The following EFCC1 variants were observed in gnomAD, a reference collection of about 807,000 sequenced individuals.
EFCC1 encodes EF-hand and coiled-coil domain-containing protein 1.
Under a neutral mutation model 52.1 loss-of-function variants are expected in EFCC1, and 50 were observed. The ratio of observed to expected loss-of-function variants is 0.96; its 90% CI spans 0.76 to 1.21. The LOEUF is 1.21. EFCC1 is among the 50% of genes most tolerant of loss of function. The pLI, the probability that EFCC1 is intolerant of heterozygous loss-of-function variation, is 0.00. For synonymous variants in EFCC1, 399 were observed against 396.5 expected, an observed-to-expected ratio of 1.01 and a Z score of -0.08; for missense variants, 837 against 867.3, an observed-to-expected ratio of 0.97 and a Z score of 0.44.
chr3:129,010,181 G>A lies in EFCC1; in HGVS notation c.980+6104G>A, dbSNP rs1455501292. 2.6e-5 allele frequency among the ~76,000 whole-genome samples: 4 copies of A among 152,240 alleles called. No homozygotes were observed. The highest frequency in any genetic ancestry group is 5.9e-5 in the Non-Finnish European group (4 of 68,028). ...TCCAGTGGCCTTGTCCTGCCTTGAG[G>A]GGTCCCCCTTCAGTCCTCAGTAGAA... On this transcript the variant is annotated intron_variant, in intron 2 of 7. Transcript: ENST00000683648. The surrounding 1 kb of genome is among the most constrained non-coding windows in gnomAD (Gnocchi z 4.3).
At chr3:129,016,827 CT>C (rs1945607534) in intron 2 of EFCC1, among the ~76,000 whole-genome samples, 1 of 152,186 alleles carries the variant, frequency 6.6e-6, no homozygotes, top group Non-Finnish European at 1.5e-5. Flanking sequence ...TCTGTACAAC[CT>C]TATTGCACTC....
At chr3:129,035,947 G>A (rs534078510) in intron 5 of EFCC1, among the ~76,000 whole-genome samples, 2 of 152,302 alleles carry the variant, frequency 1.3e-5, no homozygotes, top group East Asian at 1.9e-4. Flanking sequence ...GCAAACATGC[G>A]CCACGGCTGT....
chr3:129,019,872 G>A (rs1235934201), intron 2 of EFCC1, among the ~76,000 whole-genome samples: 3 of 148,838 alleles, frequency 2.0e-5, no homozygotes, highest in Admixed American at 6.8e-5. Context: ...AGATTCAAGC[G>A]ATTCTCCTGC....
intron 2 of EFCC1, among the ~76,000 whole-genome samples, chr3:129,027,102 A>G (rs1462582192): frequency 1.3e-5 from 2 of 151,858 alleles, no homozygotes; most frequent in African/African-American, 2.4e-5. Flanking sequence ...GTCGGTCATC[A>G]TGCTCCGCGC....
chr3:129,032,869 G>A lies in EFCC1; in HGVS notation c.1189G>A (p.Glu397Lys), dbSNP rs948816076. 36 of 1,551,410 alleles carry A rather than the reference G, an allele frequency of 2.3e-5. No individual in the cohort carries two copies. The Admixed American group carries it at 2.7e-4, about 12-fold the overall frequency. The change falls in exon 4 of 8, where the codon GAG (glutamate) becomes AAG (lysine). Residue 397 changes from glutamate (E) to lysine (K), a missense_variant. By Grantham distance (56) the Glu-to-Lys change is moderately conservative. Coordinates refer to ENST00000683648, the MANE Select transcript of EFCC1 (RefSeq NM_001377500.1). ...CGTGGAGGGCCAGGCCGCCTCTGAC[G>A]AGGAGGAGGTGGAGGAGGAGAGGTG... ...RSVEGQAASD[E>K]EEVEEERWQE...
chr3:129,010,327 C>T lies in EFCC1; in HGVS notation c.980+6250C>T, dbSNP rs1265860574. On this transcript the variant is annotated intron_variant, in intron 2 of 7. Coordinates refer to ENST00000683648, the MANE Select transcript of EFCC1 (RefSeq NM_001377500.1). This position sits in a 1 kb window ranked among gnomAD's most constrained non-coding sequence, Gnocchi z 4.3. ...GAGCAGCTGAGTCCCCTTGATGGGG[C>T]CTTCAGGACACCGGGGCAGGGCAGG... Among the ~76,000 whole-genome samples, 1 of 152,198 alleles carries T rather than the reference C, an allele frequency of 6.6e-6. No individual in the cohort carries two copies. Among genetic ancestry groups the T allele is most frequent in the East Asian group, 1.9e-4 (1 of 5,188 alleles).
Position 129,039,788 on chromosome 3 carries a change from GC to G in EFCC1, c.1743del (p.Ser582ArgfsTer45). The G allele has an allele frequency of 1.2e-6, 2 of 1,612,370 alleles. No homozygotes were observed. The highest frequency in any genetic ancestry group is 8.5e-7 in the Non-Finnish European group (1 of 1,179,022). Reference protein sequence around the residue: ...LAACQLLRRQPSAPASAAAAL... With the variant: ...LAACQLLRRQXSAPASAAAAL... ...CTGCCTGCCAGCTGTTGCGGAGACAGCCCTCGGCACCAGCCTCTGCAGCAGC... is the reference window on the plus strand; with the variant it reads ...CTGCCTGCCAGCTGTTGCGGAGACAGCCTCGGCACCAGCCTCTGCAGCAGC... On this transcript the variant is annotated frameshift_variant, in exon 8 of 8. Transcript: ENST00000683648. LOFTEE classifies it low-confidence loss of function (END_TRUNC).
intron 2 of EFCC1, among the ~76,000 whole-genome samples, chr3:129,005,619 G>A (rs1945039384): frequency 6.6e-6 from 1 of 152,276 alleles, no homozygotes; most frequent in Non-Finnish European, 1.5e-5. Flanking sequence ...GCAGAGCCCA[G>A]TGAGGGGCTC....
chr3:129,016,464 G>A (rs1292244782), intron 2 of EFCC1, among the ~76,000 whole-genome samples: 1 of 151,726 alleles, frequency 6.6e-6, no homozygotes, highest in Non-Finnish European at 1.5e-5. Flanking sequence ...GTCCACAAAA[G>A]GGAAGCTGGC....
At chr3:129,028,080 TC>T (rs1946177388) in intron 2 of EFCC1, among the ~76,000 whole-genome samples, 1 of 150,002 alleles carries the variant, frequency 6.7e-6, no homozygotes. Flanking sequence ...GCCATTTCAT[TC>T]TTTTTTTTTT....
Position 129,039,844 on chromosome 3 carries a change from G to C in EFCC1, c.1796G>C (p.Cys599Ser). Residue 599 changes from cysteine (C) to serine (S), a missense_variant, in exon 8 of 8, where the codon TGC (cysteine) becomes TCC (serine). By Grantham distance (112) the Cys-to-Ser change is moderately radical. Transcript: ENST00000683648. ...CTCACCAACCCCCTCCTCGTCTCCT[G>C]CTGAGGTTACTGGCCCACCCTGTGG... is the stretch of plus-strand genomic sequence containing the variant. ...AALTNPLLVS[C>S] 1 of 1,603,082 alleles carries C rather than the reference G, an allele frequency of 6.2e-7. No individual in the cohort carries two copies. Among genetic ancestry groups the C allele is most frequent in the Non-Finnish European group, 8.5e-7 (1 of 1,172,606 alleles).
In EFCC1 at chr3:129,037,040, AC is replaced by A. The variant is rs1274759510; in HGVS notation, c.1518del (p.Glu507ArgfsTer25). On this transcript the variant is annotated frameshift_variant, in exon 6 of 8. Coordinates refer to ENST00000683648, the MANE Select transcript of EFCC1 (RefSeq NM_001377500.1). LOFTEE classifies it high-confidence loss of function. ...GAGGCTGGAGCTGCAGATGGTAGAGACCGAGAGGGTGCGGCTGTCCCTGCTG... is the reference window on the plus strand; with the variant it reads ...GAGGCTGGAGCTGCAGATGGTAGAGACGAGAGGGTGCGGCTGTCCCTGCTG... ...HLRLELQMVE[T>X]ERVRLSLLEE... 6.2e-7 allele frequency: 1 copy of A among 1,613,832 alleles called. No individual in the cohort carries two copies. The highest frequency in any genetic ancestry group is 2.2e-5 in the East Asian group (1 of 44,874).
In EFCC1 at chr3:129,030,801, C is replaced by A. The variant is rs1002994926; in HGVS notation, c.1079C>A (p.Pro360His). 1 of 1,551,654 alleles carries A rather than the reference C, an allele frequency of 6.4e-7. No individual in the cohort carries two copies. The highest frequency in any genetic ancestry group is 8.7e-7 in the Non-Finnish European group (1 of 1,146,952). ...PEDAGTRDPD[P>H]TPEGAWQSDS... Reference sequence around the variant, plus strand: ...GATGCTGGGACCAGAGACCCAGACCCCACTCCAGAGGGAGCCTGGCAGTCA... The same window carrying A: ...GATGCTGGGACCAGAGACCCAGACCACACTCCAGAGGGAGCCTGGCAGTCA... The change falls in exon 3 of 8, where the codon CCC (proline) becomes CAC (histidine). Residue 360 changes from proline to histidine, a missense_variant. Coordinates refer to ENST00000683648, the MANE Select transcript of EFCC1 (RefSeq NM_001377500.1).
Position 129,030,795 on chromosome 3 carries a change from C to T in EFCC1, c.1073C>T (p.Pro358Leu). The change falls in exon 3 of 8, where the codon CCA becomes CTA. Residue 358 changes from proline (P) to leucine (L), a missense_variant. Transcript: ENST00000683648. ...CCTGAAGATGCTGGGACCAGAGACCCAGACCCCACTCCAGAGGGAGCCTGG... is the reference window on the plus strand; with the variant it reads ...CCTGAAGATGCTGGGACCAGAGACCTAGACCCCACTCCAGAGGGAGCCTGG... ...NEPEDAGTRD[P>L]DPTPEGAWQS... is the part of the protein sequence containing the mutation. The T allele has an allele frequency of 6.4e-7, 1 of 1,551,700 alleles. No individual in the cohort carries two copies. Among genetic ancestry groups the T allele is most frequent in the East Asian group, 2.4e-5 (1 of 40,928 alleles).
At chr3:129,030,659 C>CT (rs775893998) in intron 2 of EFCC1, 44 bp from the exon 3 acceptor site, 63 of 1,539,992 alleles carry the variant, frequency 4.1e-5, no homozygotes, top group Admixed American at 1.6e-4. Context: ...TGGAAGAGTC[C>CT]TGTACTCTCC....
In EFCC1 at chr3:129,034,242, G is replaced by T; in HGVS notation, c.1365G>T (p.Gly455=). ...FGGANHAHTL[G]ELEACIAMLV... ...GTGCCAACCATGCCCATACCCTGGG[G>T]GAGCTGGAGGCCTGCATTGCCATGC... is the stretch of plus-strand genomic sequence containing the variant. The change falls in exon 5 of 8, where the codon GGG becomes GGT. Residue 455 remains glycine (G), a synonymous_variant. Coordinates refer to ENST00000683648, the MANE Select transcript of EFCC1 (RefSeq NM_001377500.1). The T allele has an allele frequency of 6.2e-7, 1 of 1,614,204 alleles. No homozygotes were observed. Among genetic ancestry groups the T allele is most frequent in the South Asian group, 1.1e-5 (1 of 91,084 alleles).
chr3:129,032,557 AT>A (rs1387258844), intron 3 of EFCC1, among the ~76,000 whole-genome samples: 5 of 152,050 alleles, frequency 3.3e-5, no homozygotes, highest in African/African-American at 1.2e-4. Flanking sequence ...AAAAGAGAGC[AT>A]TTCTCCCCAT....
intron 2 of EFCC1, among the ~76,000 whole-genome samples, chr3:129,009,255 T>C (rs903776713): frequency 7.2e-5 from 11 of 152,056 alleles, no homozygotes; most frequent in Admixed American, 5.9e-4. Context: ...CTGACCTAGG[T>C]GAAAAGGAAG....
chr3:129,008,445 A>G (rs1209964506), intron 2 of EFCC1, among the ~76,000 whole-genome samples: 1 of 152,206 alleles, frequency 6.6e-6, no homozygotes, highest in African/African-American at 2.4e-5. Context: ...CAGCATTTCA[A>G]CATATTTGTA....
Sources: gnomAD v4.1 joint callset for allele counts (sites outside exome capture counted in the v4.1 genomes callset) on GRCh38, gnomAD v4.1.1 for gene constraint, Gnocchi (gnomAD v3.1) non-coding constraint, MANE v1.5 for transcripts, NCBI Gene and HGNC (gene_info 2026-07-23, HGNC 2026-07-21) for gene names.